RELL1: variants seen among roughly 807,000 people sequenced by gnomAD.
The protein encoded by RELL1 is RELT like 1.
A neutral mutation model predicts 23.0 loss-of-function variants in RELL1; 10 were observed. The observed-to-expected ratio is 0.43, with a 90% CI of 0.27 to 0.74. The LOEUF (loss-of-function observed/expected upper bound fraction) is 0.74, where lower values mean the gene tolerates loss of function less well. RELL1 is among the 30% of genes least tolerant of loss of function. The pLI is 0.19. For synonymous variants in RELL1, 146 were observed against 146.8 expected (o/e 0.99, Z 0.04); for missense variants, 315 against 364.4 (o/e 0.86, Z 1.10).
In RELL1 at chr4:37,631,411, T is replaced by G; in HGVS notation, c.793A>C (p.Arg265=). 6.2e-7 allele frequency: 1 copy of G among 1,613,990 alleles called. No individual in the cohort carries two copies. The highest frequency in any genetic ancestry group is 8.5e-7 in the Non-Finnish European group (1 of 1,179,956). ...TGCTACTCTGTGCCACTGCGTTCTCTCTTCACAGGTGTTGCCGGCACCTCC... is the reference window on the plus strand; with the variant it reads ...TGCTACTCTGTGCCACTGCGTTCTCGCTTCACAGGTGTTGCCGGCACCTCC... ...NGEVPATPVK[R]ERSGTE is the part of the protein sequence containing the mutation. The change falls in exon 6 of 7, where the codon AGA becomes CGA. Residue 265 remains arginine, a synonymous_variant. Transcript: ENST00000454158.
chr4:37,647,553 C>A, intron 2 of RELL1, 114 bp from the exon 3 acceptor site: 1 of 671,336 alleles, frequency 1.5e-6, no homozygotes. Flanking sequence ...CAGGAGATCA[C>A]CCATGGTGCT....
chr4:37,615,031 C>T (rs191611684), intron 6 of RELL1, among the ~76,000 whole-genome samples: 139 of 152,248 alleles, frequency 9.1e-4, no homozygotes, highest in African/African-American at 2.7e-3. Flanking sequence ...GCCGTGGAAC[C>T]GTGGCTGTTT....
At chr4:37,635,234 C>G (rs1171980046) in intron 4 of RELL1, 111 bp from the exon 5 acceptor site, 1 of 832,414 alleles carries the variant, frequency 1.2e-6, no homozygotes, top group Non-Finnish European at 1.9e-6. Flanking sequence ...AAAAAAAAAG[C>G]GTCTTCCAAT....
intron 1 of RELL1, among the ~76,000 whole-genome samples, chr4:37,673,186 CTTTTTTTT>C (rs71189095): frequency 1.1e-5 from 1 of 93,180 alleles, no homozygotes; most frequent in East Asian, 3.8e-4. Flanking sequence ...CTTTTTTTTT[CTTTTTTTT>C]TTTTTTTTTT....
chr4:37,660,113 C>G (rs1721272959), intron 1 of RELL1, among the ~76,000 whole-genome samples: 1 of 152,020 alleles, frequency 6.6e-6, no homozygotes, highest in Non-Finnish European at 1.5e-5. Flanking sequence ...AGCTAACATT[C>G]AAATCACAGT....
downstream of RELL1, among the ~76,000 whole-genome samples, chr4:37,589,535 T>A (rs560500906): frequency 3.9e-5 from 6 of 152,328 alleles, no homozygotes; most frequent in South Asian, 1.2e-3. Flanking sequence ...GTTTTATTTG[T>A]TTTTTATTTT....
intron 1 of RELL1, among the ~76,000 whole-genome samples, chr4:37,682,232 T>C (rs1249607904): frequency 6.6e-6 from 1 of 152,208 alleles, no homozygotes; most frequent in Non-Finnish European, 1.5e-5. Flanking sequence ...GAGTAAAGTG[T>C]CTACAGTGTA....
rs1327031429 is a variant in RELL1 at position 37,611,892 on chromosome 4, T to C, written c.*1454A>G. Among the ~76,000 whole-genome samples, 2 of 152,098 alleles carry C rather than the reference T, an allele frequency of 1.3e-5. No individual in the cohort carries two copies. The highest frequency in any genetic ancestry group is 2.9e-5 in the Non-Finnish European group (2 of 68,004). On this transcript the variant is annotated 3_prime_UTR_variant, in exon 7 of 7. Transcript: ENST00000454158. ...CCATCTTATATGAGAAGCAGGGTTC[T>C]AGGCCGGGCGCAGTGGCTCAAGCCT...
chr4:37,624,135 G>T (rs1719859252), intron 6 of RELL1, among the ~76,000 whole-genome samples: 1 of 152,146 alleles, frequency 6.6e-6, no homozygotes, highest in Non-Finnish European at 1.5e-5. Context: ...AGGAGAACAT[G>T]AAGGCGGCCG....
At chr4:37,669,055 G>GA (rs1721665484) in intron 1 of RELL1, among the ~76,000 whole-genome samples, 1 of 130,488 alleles carries the variant, frequency 7.7e-6, no homozygotes, top group African/African-American at 3.3e-5. Context: ...GGAGGGAGGT[G>GA]GGGGGGTCAG....
chr4:37,633,128 G>T (rs112199115), intron 5 of RELL1, among the ~76,000 whole-genome samples: 22 of 152,264 alleles, frequency 1.4e-4, no homozygotes, highest in African/African-American at 5.3e-4. Flanking sequence ...GCCATGTTTG[G>T]CCAGGCACGG....
chr4:37,616,236 T>C (rs1361132226), intron 6 of RELL1, among the ~76,000 whole-genome samples: 1 of 152,218 alleles, frequency 6.6e-6, no homozygotes, highest in Non-Finnish European at 1.5e-5. Flanking sequence ...CCTATTTTCA[T>C]AGGAGGAAAC....
chr4:37,590,849 C>A (rs773740387), exon 7 of RELL1: 3 of 1,614,176 alleles, frequency 1.9e-6, no homozygotes, highest in Non-Finnish European at 1.7e-6. Flanking sequence ...CATGCCATGC[C>A]TGTGGTTGAC....
intron 6 of RELL1, among the ~76,000 whole-genome samples, chr4:37,603,280 A>G (rs1442316481): frequency 2.6e-5 from 4 of 152,168 alleles, no homozygotes. Context: ...TGGCCACGCC[A>G]CAAAATGCCC....
intron 3 of RELL1, among the ~76,000 whole-genome samples, chr4:37,641,345 T>C (rs1185759442): frequency 1.3e-5 from 2 of 152,214 alleles, no homozygotes; most frequent in Non-Finnish European, 2.9e-5. Flanking sequence ...ATCTGTCTAT[T>C]GGGAACATTT....
chr4:37,589,938 A>G (rs1279670597), downstream of RELL1: 2 of 735,754 alleles, frequency 2.7e-6, no homozygotes, highest in Non-Finnish European at 2.3e-6. Context: ...TTTTATACCA[A>G]CTATATCTAT....
chr4:37,590,469 A>G (rs377062536), downstream of RELL1: 2 of 1,610,868 alleles, frequency 1.2e-6, no homozygotes, highest in African/African-American at 2.7e-5. Flanking sequence ...CCTTCCTGGA[A>G]GGAGGGGGCA....
At chr4:37,604,834 C>CACACACAT (rs1719124803) in intron 6 of RELL1, among the ~76,000 whole-genome samples, 5 of 105,270 alleles carry the variant, frequency 4.7e-5, no homozygotes, top group Non-Finnish European at 9.3e-5. Flanking sequence ...CACACACATA[C>CACACACAT]ACACAGACAC....
At chr4:37,593,844 G>A (rs1320734894) in intron 6 of RELL1, among the ~76,000 whole-genome samples, 1 of 152,162 alleles carries the variant, frequency 6.6e-6, no homozygotes, top group African/African-American at 2.4e-5. Context: ...CCGGGGGAAG[G>A]AGGACTGGAC....
Sources: gnomAD v4.1 joint callset for allele counts (sites outside exome capture counted in the v4.1 genomes callset) on GRCh38, gnomAD v4.1.1 for gene constraint, MANE v1.5 for transcripts, NCBI Gene and HGNC (gene_info 2026-07-23, HGNC 2026-07-21) for gene names.